The following VWA5B1 variants were observed in gnomAD, a reference collection of about 807,000 sequenced individuals.
VWA5B1 encodes von Willebrand factor A domain-containing protein 5B1.
VWA5B1 carries 115 observed loss-of-function variants against 118.2 expected under a neutral mutation model. That is an observed-to-expected ratio of 0.97 (90% CI 0.84 to 1.14). The LOEUF (loss-of-function observed/expected upper bound fraction) is 1.14, where lower values mean the gene tolerates loss of function less well. Ranked by LOEUF, VWA5B1 falls within the 50% of genes most tolerant of loss-of-function variation. The pLI is 0.00. For missense variants in VWA5B1, 1,596 were observed against 1,603.8 expected, an observed-to-expected ratio of 1.00 and a Z score of 0.08; for synonymous variants, 682 against 658.4, an observed-to-expected ratio of 1.04 and a Z score of -0.55.
At position 20,343,201 on chromosome 1, in the gene VWA5B1, G is replaced by A. The variant is rs555010170; in HGVS notation, c.2434G>A (p.Ala812Thr). The change falls in exon 16 of 22, where the codon GCC becomes ACC. Residue 812 changes from alanine (A) to threonine (T), a missense_variant. Ala to Thr is a moderately conservative substitution (Grantham distance 58). Coordinates refer to ENST00000289815, the MANE Select transcript of VWA5B1 (RefSeq NM_001039500.3). ...PATPAPVLGK[A>T]LVKGLHDSQR... Reference sequence around the variant, plus strand: ...CACCCCGGCCCCGGTGCTGGGCAAGGCCCTGGTCAAAGGCCTGCACGACAG... The same window carrying A: ...CACCCCGGCCCCGGTGCTGGGCAAGACCCTGGTCAAAGGCCTGCACGACAG... 34 of 1,549,640 alleles carry A rather than the reference G, an allele frequency of 2.2e-5. No homozygotes were observed. Among genetic ancestry groups the A allele is most frequent in the Non-Finnish European group, 2.6e-5 (30 of 1,146,784 alleles).
chr1:20,320,747 T>A (rs2089184625), intron 7 of VWA5B1, among the ~76,000 whole-genome samples: 1 of 152,188 alleles, frequency 6.6e-6, no homozygotes, highest in African/African-American at 2.4e-5. Flanking sequence ...AATAATTGGA[T>A]AATGGCAGCT....
intron 14 of VWA5B1, chr1:20,338,249 C>T (rs1034437085): frequency 5.5e-6 from 2 of 362,236 alleles, no homozygotes; most frequent in South Asian, 2.1e-5. Context: ...CTTTGAAGGA[C>T]CCCCTGCCTT....
At chr1:20,306,955 C>T (rs975075459) in intron 1 of VWA5B1, among the ~76,000 whole-genome samples, 1 of 152,170 alleles carries the variant, frequency 6.6e-6, no homozygotes, top group Non-Finnish European at 1.5e-5. Context: ...TTGCCCTCCC[C>T]AGTCCTCCCT....
rs57894456 is a variant in VWA5B1, at chr1:20,291,387, T to TCTCTCTCTCTCTCTCTCTCTC, written c.-27+299_-27+300insCTCTCTCTCTCTCTCTCTCTC. ...TCTCTCTCTCTCTCTCTCTCTCTCT[T>TCTCTCTCTCTCTCTCTCTCTC]TCTGTCTCCTCTATTTCTCTCCCTC... is the stretch of plus-strand genomic sequence containing the variant. On this transcript the variant is annotated intron_variant, in intron 1 of 21. Transcript: ENST00000289815. 6.7e-4 allele frequency among the ~76,000 whole-genome samples: 77 copies of TCTCTCTCTCTCTCTCTCTCTC among 114,214 alleles called. 4 individuals are homozygous for TCTCTCTCTCTCTCTCTCTCTC. The highest frequency in any genetic ancestry group is 4.3e-3 in the Middle Eastern group (1 of 232). The allele number at this position is 114,214 out of a possible 152,430, so 74.9% of individuals were successfully genotyped here.
chr1:20,309,226 C>G (rs2088765554), intron 1 of VWA5B1, among the ~76,000 whole-genome samples: 1 of 152,202 alleles, frequency 6.6e-6, no homozygotes, highest in Non-Finnish European at 1.5e-5. Flanking sequence ...GTCGATGTGG[C>G]CCATGCCCAC....
At chr1:20,308,219 T>A (rs1376217435) in intron 1 of VWA5B1, among the ~76,000 whole-genome samples, 1 of 150,388 alleles carries the variant, frequency 6.6e-6, no homozygotes, top group East Asian at 2.1e-4. Context: ...TGTTCTTTTT[T>A]ATAACTGCAT....
At position 20,345,444 on chromosome 1, in the gene VWA5B1, C is replaced by T; in HGVS notation, c.2627-12C>T. The T allele has an allele frequency of 1.9e-6, 3 of 1,550,816 alleles. No individual in the cohort carries two copies. In the Admixed American group the frequency reaches 5.9e-5, roughly 30 times the overall value. Reference sequence around the variant, plus strand: ...TGAGTCCAAACAGTGACCCCAGTTTCTCCCTCCACAGGGTCCAACCGCCGC... The same window carrying T: ...TGAGTCCAAACAGTGACCCCAGTTTTTCCCTCCACAGGGTCCAACCGCCGC... On this transcript the variant is annotated splice_polypyrimidine_tract_variant and intron_variant, in intron 16 of 21. Transcript: ENST00000289815.
chr1:20,308,290 T>A (rs934057169), intron 1 of VWA5B1, among the ~76,000 whole-genome samples: 5 of 152,310 alleles, frequency 3.3e-5, no homozygotes, highest in East Asian at 1.9e-4. Context: ...GAGATGTCCC[T>A]CATCTAAGCC....
At chr1:20,352,015 A>G in intron 20 of VWA5B1, 40 bp from the exon 21 acceptor site, 1 of 1,503,950 alleles carries the variant, frequency 6.6e-7, no homozygotes, top group East Asian at 2.5e-5. Flanking sequence ...TGGGCACTGG[A>G]GGTTGGGATG....
rs1403132245 is a variant in VWA5B1 at position 20,317,563 on chromosome 1, G to A, written c.597G>A (p.Pro199=). 2.2e-5 allele frequency: 34 copies of A among 1,551,518 alleles called. No homozygotes were observed. The highest frequency in any genetic ancestry group is 1.7e-4 in the East Asian group (7 of 40,924). The change falls in exon 5 of 22, where the codon CCG becomes CCA. Residue 199 remains proline (P), a synonymous_variant. Transcript: ENST00000289815. ...KDRHCFGAWA[P]GSWNKLCLAT... is the part of the protein sequence containing the mutation. ...GGCACTGCTTCGGTGCCTGGGCCCC[G>A]GGCTCCTGGAATAAGTTGTGCCTGG... is the stretch of plus-strand genomic sequence containing the variant.
At chr1:20,314,001 C>T (rs1263035948) in intron 3 of VWA5B1, among the ~76,000 whole-genome samples, 3 of 152,012 alleles carry the variant, frequency 2.0e-5, no homozygotes, top group Non-Finnish European at 2.9e-5. Context: ...CTATGGATCC[C>T]CAAGGTGGAG....
Position 20,301,929 on chromosome 1 carries a change from T to C in VWA5B1, c.-26-8647T>C, listed in dbSNP as rs112143601. 6.2e-4 allele frequency among the ~76,000 whole-genome samples: 94 copies of C among 152,210 alleles called. 1 individual carries two copies. Among genetic ancestry groups the C allele is most frequent in the Non-Finnish European group, 2.9e-4 (20 of 68,026 alleles). On this transcript the variant is annotated intron_variant, in intron 1 of 21. Coordinates refer to ENST00000289815, the MANE Select transcript of VWA5B1 (RefSeq NM_001039500.3). ...TTACTGGGCCCCCAGTGGACAGGCA[T>C]GGCGCAGTTTCTGTATATGTAAACC...
rs140055081 is a variant in VWA5B1 at position 20,352,923 on chromosome 1, C to T, written c.3141+751C>T. Among the ~76,000 whole-genome samples, 1,183 of 152,272 alleles carry T rather than the reference C, an allele frequency of 7.8e-3. 13 individuals carry two copies. Among genetic ancestry groups the T allele is most frequent in the Middle Eastern group, 0.024 (7 of 294 alleles). ...GAACTAGACAAACATAGTTTCTGCA[C>T]TTATGGTGCTAAGTATCTAGTAGGA... is the stretch of plus-strand genomic sequence containing the variant. On this transcript the variant is annotated intron_variant, in intron 21 of 21. Transcript: ENST00000289815.
In VWA5B1 at chr1:20,357,898, T is replaced by A. The variant is rs148885199; in HGVS notation, c.*3635T>A. Among the ~76,000 whole-genome samples the A allele has an allele frequency of 1.6e-4, 24 of 152,260 alleles. No homozygotes were observed. The highest frequency in any genetic ancestry group is 5.8e-4 in the African/African-American group (24 of 41,558). Reference sequence around the variant, plus strand: ...TATTGCACAGCCAGAGGGGAGTTGGTGCTGGGGGCCTCCTTGTCCAGGTGG... The same window carrying A: ...TATTGCACAGCCAGAGGGGAGTTGGAGCTGGGGGCCTCCTTGTCCAGGTGG... On this transcript the variant is annotated 3_prime_UTR_variant, in exon 22 of 22. Coordinates refer to ENST00000289815, the MANE Select transcript of VWA5B1 (RefSeq NM_001039500.3).
Position 20,343,140 on chromosome 1 carries a change from C to T in VWA5B1, c.2373C>T (p.Ala791=). The T allele has an allele frequency of 6.5e-7, 1 of 1,546,294 alleles. No individual in the cohort carries two copies. Among genetic ancestry groups the T allele is most frequent in the Non-Finnish European group, 8.7e-7 (1 of 1,144,066 alleles). Residue 791 remains alanine, a synonymous_variant, in exon 16 of 22, where the codon GCC becomes GCT. Coordinates refer to ENST00000289815, the MANE Select transcript of VWA5B1 (RefSeq NM_001039500.3). ...TETSSDWDPP[A]ESQERASPSR... is the part of the protein sequence containing the mutation. ...CGTCCTCGGACTGGGACCCCCCAGC[C>T]GAGTCCCAGGAGCGAGCCAGTCCCA...
At chr1:20,328,909 C>G (rs1455824977) in intron 9 of VWA5B1, among the ~76,000 whole-genome samples, 1 of 152,174 alleles carries the variant, frequency 6.6e-6, no homozygotes, top group Non-Finnish European at 1.5e-5. Flanking sequence ...CCTTCCAGCC[C>G]TTGTTCTATG....
At chr1:20,325,720 G>C (rs2089358871) in intron 8 of VWA5B1, among the ~76,000 whole-genome samples, 1 of 152,134 alleles carries the variant, frequency 6.6e-6, no homozygotes, top group South Asian at 2.1e-4. Context: ...CTGAGCTCAA[G>C]GTCATGCCTT....
chr1:20,354,461 C>A lies in VWA5B1; in HGVS notation c.*198C>A. Reference sequence around the variant, plus strand: ...CCAGCCATGCAACTTTAGGCCAGTGCCTGCCCCCGTCTGGGCCTCAGTTTC... The same window carrying A: ...CCAGCCATGCAACTTTAGGCCAGTGACTGCCCCCGTCTGGGCCTCAGTTTC... On this transcript the variant is annotated 3_prime_UTR_variant, in exon 22 of 22. Transcript: ENST00000289815. 1.5e-6 allele frequency: 1 copy of A among 651,538 alleles called. No homozygotes were observed. The highest frequency in any genetic ancestry group is 2.6e-6 in the Non-Finnish European group (1 of 391,560). 40.4% of individuals were successfully genotyped at this position (651,538 alleles called of 1,614,324 possible). A position where few individuals can be genotyped will look rare whatever the true frequency, so the allele number is the denominator to read the frequency against.
rs2089603226 is a variant in VWA5B1, at chr1:20,332,656, AC to A, written c.1573-109del. 2.5e-6 allele frequency: 3 copies of A among 1,195,090 alleles called. No individual in the cohort carries two copies. The Admixed American group carries it at 7.0e-5, about 28-fold the overall frequency. 74.0% of individuals were successfully genotyped at this position (1,195,090 alleles called of 1,614,324 possible). ...TGCTAGGCAAGTCACCACAAGGCCT[AC>A]TGTCCCCTCTTCCCTGCTCCCACTC... On this transcript the variant is annotated intron_variant, in intron 11 of 21. Coordinates refer to ENST00000289815, the MANE Select transcript of VWA5B1 (RefSeq NM_001039500.3).
Sources: allele counts gnomAD v4.1 joint callset (sites outside exome capture counted in the v4.1 genomes callset), GRCh38; gene constraint gnomAD v4.1.1; transcripts MANE v1.5; gene names NCBI Gene and HGNC (gene_info 2026-07-23, HGNC 2026-07-21).